The following LSM1 variants were observed in gnomAD, a reference collection of about 807,000 sequenced individuals.
The protein encoded by LSM1 is LSM1 homolog, mRNA degradation associated, also known as U6 snRNA-associated Sm-like protein LSm1.
A neutral mutation model predicts 18.0 loss-of-function variants in LSM1; 13 were observed. That is an observed-to-expected ratio of 0.72 (90% CI 0.47 to 1.15). LSM1 has a LOEUF of 1.15. Ranked by LOEUF, LSM1 falls within the 50% of genes most tolerant of loss-of-function variation. LSM1 has a pLI of 0.00. For missense variants in LSM1, 152 were observed against 157.7 expected (o/e 0.96, Z 0.19); for synonymous variants, 46 against 56.0 (o/e 0.82, Z 0.80).
chr8:38,171,754 G>A (rs1371200477), intron 2 of LSM1, among the ~76,000 whole-genome samples: 1 of 152,180 alleles, frequency 6.6e-6, no homozygotes, highest in African/African-American at 2.4e-5. Context: ...TCTACTGAAA[G>A]CCAGTTTTAG....
At chr8:38,170,226 G>A (rs980867783) in intron 2 of LSM1, among the ~76,000 whole-genome samples, 1 of 152,104 alleles carries the variant, frequency 6.6e-6, no homozygotes, top group Non-Finnish European at 1.5e-5. Context: ...TTTTAGCAGA[G>A]ACAGGGATCA....
chr8:38,172,447 T>C (rs775338371), intron 1 of LSM1, among the ~76,000 whole-genome samples: 1 of 151,804 alleles, frequency 6.6e-6, no homozygotes, highest in Admixed American at 6.6e-5. Context: ...TCGGCCTCCT[T>C]AGTAGCTGGG....
At chr8:38,164,760 T>C (rs1328015816) in intron 3 of LSM1, among the ~76,000 whole-genome samples, 2 of 151,460 alleles carry the variant, frequency 1.3e-5, no homozygotes, top group African/African-American at 2.4e-5. Context: ...GCCTGGGAGG[T>C]TGAAGTTCAA....
At chr8:38,173,107 A>G (rs1803057882) in intron 1 of LSM1, among the ~76,000 whole-genome samples, 1 of 152,214 alleles carries the variant, frequency 6.6e-6, no homozygotes, top group Non-Finnish European at 1.5e-5. Flanking sequence ...ACACTGAAGA[A>G]TGAAAATAAG....
chr8:38,164,211 C>T (rs577833368), intron 3 of LSM1, among the ~76,000 whole-genome samples: 12 of 152,134 alleles, frequency 7.9e-5, no homozygotes, highest in East Asian at 1.9e-4. Flanking sequence ...CGTGCCACCA[C>T]GCCTGGCTAA....
At position 38,163,348 on chromosome 8, in the gene LSM1, T is replaced by C. The variant is rs1802872282; in HGVS notation, c.*322A>G. ...GGAAATAACATGACACTTTTGAGATTCATATTTTATTTACAAGTAAATGAA... is the reference window on the plus strand; with the variant it reads ...GGAAATAACATGACACTTTTGAGATCCATATTTTATTTACAAGTAAATGAA... On this transcript the variant is annotated 3_prime_UTR_variant, in exon 4 of 4. Coordinates refer to ENST00000311351, the MANE Select transcript of LSM1 (RefSeq NM_014462.3). 1 of 209,442 alleles carries C rather than the reference T, an allele frequency of 4.8e-6. No individual in the cohort carries two copies. The highest frequency in any genetic ancestry group is 1.0e-4 in the East Asian group (1 of 9,570). The allele number at this position is 209,442 out of a possible 1,614,324, so 13.0% of individuals were successfully genotyped here.
At chr8:38,165,362 A>C (rs1029436502) in intron 3 of LSM1, among the ~76,000 whole-genome samples, 3 of 151,914 alleles carry the variant, frequency 2.0e-5, no homozygotes, top group Non-Finnish European at 4.4e-5. Flanking sequence ...TCAAAAAAAA[A>C]CAAAAAATTG....
intron 1 of LSM1, among the ~76,000 whole-genome samples, chr8:38,174,698 A>C (rs1472433740): frequency 6.6e-6 from 1 of 152,174 alleles, no homozygotes; most frequent in Non-Finnish European, 1.5e-5. Context: ...CATTTCCCTT[A>C]CATAGCACAA....
chr8:38,168,751 T>C (rs1335300585), intron 3 of LSM1, among the ~76,000 whole-genome samples: 1 of 151,994 alleles, frequency 6.6e-6, no homozygotes, highest in African/African-American at 2.4e-5. Context: ...AAAAGCTATT[T>C]CATATATTTC....
chr8:38,165,368 A>C (rs533335440), intron 3 of LSM1, among the ~76,000 whole-genome samples: 1 of 151,902 alleles, frequency 6.6e-6, no homozygotes, highest in East Asian at 1.9e-4. Context: ...AAAAACAAAA[A>C]ATTGTTGCCT....
intron 2 of LSM1, among the ~76,000 whole-genome samples, chr8:38,170,124 C>G (rs1028752763): frequency 6.6e-6 from 1 of 152,184 alleles, no homozygotes; most frequent in Non-Finnish European, 1.5e-5. Flanking sequence ...TCACTGCAAC[C>G]TCTGCCTACT....
At chr8:38,172,224 A>G (rs1803043393) in intron 1 of LSM1, among the ~76,000 whole-genome samples, 191 bp from the exon 2 acceptor site, 1 of 152,104 alleles carries the variant, frequency 6.6e-6, no homozygotes, top group African/African-American at 2.4e-5. Context: ...GAAAAGAATC[A>G]GAGCAGTGTG....
chr8:38,167,948 T>A (rs1469511843), intron 3 of LSM1, among the ~76,000 whole-genome samples: 1 of 151,616 alleles, frequency 6.6e-6, no homozygotes, highest in Admixed American at 6.6e-5. Context: ...GGTACCATGG[T>A]ACTAGGTGCT....
intron 1 of LSM1, among the ~76,000 whole-genome samples, chr8:38,172,356 C>CT (rs1803046955): frequency 7.3e-6 from 1 of 137,602 alleles, no homozygotes; most frequent in Non-Finnish European, 1.5e-5. Flanking sequence ...GAGTCTCACT[C>CT]TGTCACCCAG....
upstream of LSM1, chr8:38,176,684 C>G: frequency 1.4e-6 from 1 of 712,652 alleles, no homozygotes; most frequent in South Asian, 2.4e-5. Context: ...CCCGAGACCC[C>G]AGAGTCACTG....
chr8:38,169,540 A>G (rs182732173), intron 3 of LSM1, among the ~76,000 whole-genome samples: 5 of 152,336 alleles, frequency 3.3e-5, no homozygotes, highest in Admixed American at 2.0e-4. Flanking sequence ...AAATATTCCA[A>G]CGTATGTAAG....
intron 2 of LSM1, among the ~76,000 whole-genome samples, chr8:38,170,687 AG>A (rs1175644775): frequency 2.0e-5 from 3 of 152,200 alleles, no homozygotes. Flanking sequence ...GACCCAACGC[AG>A]GTATCCATGG....
intron 3 of LSM1, among the ~76,000 whole-genome samples, chr8:38,164,207 A>G (rs1474428546): frequency 2.6e-5 from 4 of 152,160 alleles, no homozygotes; most frequent in Admixed American, 1.3e-4. Flanking sequence ...GGCACGTGCC[A>G]CCACGCCTGG....
chr8:38,163,855 G>C lies in LSM1; in HGVS notation c.232-15C>G, dbSNP rs750687126. On this transcript the variant is annotated splice_polypyrimidine_tract_variant and intron_variant, in intron 3 of 3. Coordinates refer to ENST00000311351, the MANE Select transcript of LSM1 (RefSeq NM_014462.3). ...TTTTCCAAGTCCTACAAAAGAGACAGGTTTGAAAACTTCACCTGAAGACCA... is the reference window on the plus strand; with the variant it reads ...TTTTCCAAGTCCTACAAAAGAGACACGTTTGAAAACTTCACCTGAAGACCA... 1 of 1,613,178 alleles carries C rather than the reference G, an allele frequency of 6.2e-7. No homozygotes were observed. The highest frequency in any genetic ancestry group is 8.5e-7 in the Non-Finnish European group (1 of 1,179,260).
Sources: gnomAD v4.1 joint callset for allele counts (sites outside exome capture counted in the v4.1 genomes callset) on GRCh38, gnomAD v4.1.1 for gene constraint, MANE v1.5 for transcripts, NCBI Gene and HGNC (gene_info 2026-07-23, HGNC 2026-07-21) for gene names.